Variants in PDCD4 observed in about 807,000 individuals in gnomAD.
PDCD4 encodes the protein programmed cell death 4.
In PDCD4, 56 loss-of-function variants were observed where a neutral mutation model predicts 54.0. That is an observed-to-expected ratio of 1.04 (90% CI 0.84 to 1.30). The LOEUF (loss-of-function observed/expected upper bound fraction) is 1.30, where lower values mean the gene tolerates loss of function less well. Among genes scored for constraint, PDCD4 ranks in the 50% most tolerant of loss-of-function variants. The pLI is 0.00. For synonymous variants in PDCD4, 186 were observed against 194.8 expected, an observed-to-expected ratio of 0.95 and a Z score of 0.37; for missense variants, 584 against 559.8, an observed-to-expected ratio of 1.04 and a Z score of -0.44.
At position 110,898,702 on chromosome 10, in the gene PDCD4, A is replaced by G. The variant is rs1845890610; in HGVS notation, c.*614A>G. The stretch of plus-strand genomic sequence containing the variant: ...AAACTGGAAAAATGAACCTGGTTCT[A>G]GAAGAATGTACACCAAAATAAAACA... On this transcript the variant is annotated 3_prime_UTR_variant, in exon 12 of 12. Coordinates refer to ENST00000280154, the MANE Select transcript of PDCD4 (RefSeq NM_014456.5). 1 of 152,630 alleles carries G rather than the reference A, an allele frequency of 6.6e-6. No homozygotes were observed. Among genetic ancestry groups the G allele is most frequent in the Non-Finnish European group, 1.5e-5 (1 of 68,022 alleles). The allele number at this position is 152,630 out of a possible 1,614,324, so 9.5% of individuals were successfully genotyped here. A position where few individuals can be genotyped will look rare whatever the true frequency, so the allele number is the denominator to read the frequency against.
intron 2 of PDCD4, among the ~76,000 whole-genome samples, chr10:110,880,944 T>C (rs545573687): frequency 1.3e-5 from 2 of 152,338 alleles, no homozygotes; most frequent in Non-Finnish European, 2.9e-5. Context: ...AAACGTGAAA[T>C]AACATGCTTC....
chr10:110,886,110 G>C (rs547519877), intron 5 of PDCD4, among the ~76,000 whole-genome samples: 2 of 152,270 alleles, frequency 1.3e-5, no homozygotes, highest in South Asian at 4.1e-4. Context: ...GGAGGAATTT[G>C]TAATAGGTGA....
intron 4 of PDCD4, among the ~76,000 whole-genome samples, chr10:110,883,716 A>C (rs1267635124): frequency 6.6e-6 from 1 of 152,110 alleles, no homozygotes; most frequent in Non-Finnish European, 1.5e-5. Flanking sequence ...AGCAAATCCC[A>C]AATGTTTTGA....
rs1564683011 is a variant in PDCD4 at position 110,887,645 on chromosome 10, T to A, written c.556-20T>A. 1.3e-6 allele frequency: 2 copies of A among 1,562,852 alleles called. No homozygotes were observed. On this transcript the variant is annotated intron_variant, in intron 5 of 11. Transcript: ENST00000280154. ...TAGTGATACACTTTTAAAATGTTTT[T>A]AAATTATTTTTTTGAACAGGAAATG...
In PDCD4 at chr10:110,883,096, A is replaced by C. The variant is rs1429034519; in HGVS notation, c.440A>C (p.Gln147Pro). ...AAAGATCCTAACTATGATGATGACC[A>C]GGTATCAGTGCTTTGCTTTTTCATA... ...DVKDPNYDDD[Q>P]ENCVYETVVL... is the part of the protein sequence containing the mutation. Residue 147 changes from glutamine (Q) to proline (P), a missense_variant and splice_region_variant, in exon 4 of 12, where the codon CAG (glutamine) becomes CCG (proline). Physicochemically the swap from Gln to Pro is moderately conservative, Grantham distance 76 (BLOSUM62 -1). Transcript: ENST00000280154. The C allele has an allele frequency of 2.6e-6, 4 of 1,558,442 alleles. No individual in the cohort carries two copies. Among genetic ancestry groups the C allele is most frequent in the Non-Finnish European group, 3.5e-6 (4 of 1,145,708 alleles).
In PDCD4 at chr10:110,894,398, G is replaced by A; in HGVS notation, c.1099-14G>A. 1 of 1,344,078 alleles carries A rather than the reference G, an allele frequency of 7.4e-7. No individual in the cohort carries two copies. Among genetic ancestry groups the A allele is most frequent in the Non-Finnish European group, 1.1e-6 (1 of 939,398 alleles). 83.3% of individuals were successfully genotyped at this position (1,344,078 alleles called of 1,614,324 possible). A position where few individuals can be genotyped will look rare whatever the true frequency, so the allele number is the denominator to read the frequency against. On this transcript the variant is annotated splice_polypyrimidine_tract_variant and intron_variant, in intron 9 of 11. Transcript: ENST00000280154. The stretch of plus-strand genomic sequence containing the variant: ...TGAATTAACCAAAAATTCACTCATT[G>A]ATTCAATTTTTAGGCTATTATAATG...
chr10:110,889,069 G>C (rs901856116), intron 6 of PDCD4, among the ~76,000 whole-genome samples: 11 of 151,512 alleles, frequency 7.3e-5, no homozygotes, highest in Admixed American at 1.3e-4. Flanking sequence ...GTCTCTACTA[G>C]AAATACAAAA....
At chr10:110,882,105 T>C (rs1035400595) in intron 3 of PDCD4, among the ~76,000 whole-genome samples, 5 of 152,230 alleles carry the variant, frequency 3.3e-5, no homozygotes, top group Non-Finnish European at 7.3e-5. Context: ...TTTCATCACC[T>C]TCTGAATGGT....
chr10:110,885,051 C>T (rs961583946), intron 4 of PDCD4: 14 of 387,508 alleles, frequency 3.6e-5, no homozygotes, highest in African/African-American at 2.9e-4. Context: ...CCGCCTTTGC[C>T]TCCCAAAGTG....
intron 4 of PDCD4, among the ~76,000 whole-genome samples, chr10:110,883,616 A>G (rs996161805): frequency 6.6e-6 from 1 of 152,132 alleles, no homozygotes. Context: ...AACTTAAATA[A>G]TTACAAACTC....
Position 110,876,761 on chromosome 10 carries a change from A to G in PDCD4, c.43+691A>G, listed in dbSNP as rs374961100. 1.4e-5 allele frequency: 14 copies of G among 1,024,502 alleles called. No homozygotes were observed. In the African/African-American group the frequency reaches 2.1e-4, roughly 16 times the overall value. 63.5% of individuals were successfully genotyped at this position (1,024,502 alleles called of 1,614,324 possible). On this transcript the variant is annotated intron_variant, in intron 2 of 11. Coordinates refer to ENST00000280154, the MANE Select transcript of PDCD4 (RefSeq NM_014456.5). ...TGGAATAGATGACCAAATGTGAGTA[A>G]CTCAAGATAATTTAAAATGTATTTA...
In PDCD4 at chr10:110,876,049, A is replaced by T; in HGVS notation, c.22A>T (p.Ile8Leu). ...GAAAATGGATGTAGAAAATGAGCAG[A>T]TACTGAATGTAAACCCTGCAGGTAA... is the stretch of plus-strand genomic sequence containing the variant. MDVENEQ[I>L]LNVNPADPDN... Residue 8 changes from isoleucine to leucine, a missense_variant, in exon 2 of 12, where the codon ATA (isoleucine) becomes TTA (leucine). Ile to Leu is a conservative substitution (Grantham distance 5, BLOSUM62 2). Transcript: ENST00000280154. 6.2e-7 allele frequency: 1 copy of T among 1,611,072 alleles called. No homozygotes were observed. Among genetic ancestry groups the T allele is most frequent in the South Asian group, 1.1e-5 (1 of 90,828 alleles).
At position 110,881,378 on chromosome 10, in the gene PDCD4, A is replaced by T. The variant is rs778004668; in HGVS notation, c.189A>T (p.Leu63=). 6.2e-7 allele frequency: 1 copy of T among 1,614,198 alleles called. No individual in the cohort carries two copies. The change falls in exon 3 of 12, where the codon CTA becomes CTT. Residue 63 remains leucine, a synonymous_variant. Coordinates refer to ENST00000280154, the MANE Select transcript of PDCD4 (RefSeq NM_014456.5). ...TTAATGCCAAGGCAAAAAGGCGACT[A>T]AGGAAAAACTCATCCCGGGACTCTG... ...ARINAKAKRR[L]RKNSSRDSGR...
In PDCD4 at chr10:110,875,956, A is replaced by G. The variant is rs1398423935; in HGVS notation, c.-62-10A>G. On this transcript the variant is annotated splice_polypyrimidine_tract_variant and intron_variant, in intron 1 of 11. Transcript: ENST00000280154. Reference sequence around the variant, plus strand: ...TCTTGAAGCTTTCTTTTTTTCTTTTAAAAAAACAGATTCTGAAGGAAGATT... The same window carrying G: ...TCTTGAAGCTTTCTTTTTTTCTTTTGAAAAAACAGATTCTGAAGGAAGATT... 3 of 1,262,222 alleles carry G rather than the reference A, an allele frequency of 2.4e-6. No homozygotes were observed. Among genetic ancestry groups the G allele is most frequent in the East Asian group, 5.0e-5 (2 of 40,126 alleles). The allele number at this position is 1,262,222 out of a possible 1,614,324, so 78.2% of individuals were successfully genotyped here.
At chr10:110,887,561 G>A (rs1050160121) in intron 5 of PDCD4, 104 bp from the exon 6 acceptor site, 10 of 681,262 alleles carry the variant, frequency 1.5e-5, no homozygotes, top group East Asian at 2.7e-5. Context: ...AGAGTGAGAC[G>A]TAGAGATATA....
rs1845619254 is a variant in PDCD4 at position 110,883,246 on chromosome 10, C to A, written c.441+149C>A. On this transcript the variant is annotated intron_variant, in intron 4 of 11. Transcript: ENST00000280154. ...TAAACTGACAGTAATACATGCATAA[C>A]TTTCACTTGGTTTCTGTAGTGAGTC... 7.0e-6 allele frequency: 4 copies of A among 570,346 alleles called. No individual in the cohort carries two copies. In the South Asian group the frequency reaches 8.9e-5, roughly 13 times the overall value. The allele number at this position is 570,346 out of a possible 1,614,324, so 35.3% of individuals were successfully genotyped here.
At chr10:110,877,088 T>A (rs1338570961) in intron 2 of PDCD4, among the ~76,000 whole-genome samples, 1 of 152,162 alleles carries the variant, frequency 6.6e-6, no homozygotes, top group African/African-American at 2.4e-5. Flanking sequence ...GGTAAAAAAT[T>A]GAAAAAAATT....
intron 1 of PDCD4, among the ~76,000 whole-genome samples, chr10:110,875,708 A>G (rs1276333050): frequency 6.6e-6 from 1 of 152,134 alleles, no homozygotes; most frequent in African/African-American, 2.4e-5. Context: ...TTTAATTCCA[A>G]TTAAAGGGGT....
intron 2 of PDCD4, among the ~76,000 whole-genome samples, chr10:110,877,288 G>C (rs1263834228): frequency 6.6e-6 from 1 of 152,068 alleles, no homozygotes; most frequent in Non-Finnish European, 1.5e-5. Flanking sequence ...GCTACATGTG[G>C]TTATTACTCC....
Sources: allele counts gnomAD v4.1 joint callset (sites outside exome capture counted in the v4.1 genomes callset), GRCh38; gene constraint gnomAD v4.1.1; transcripts MANE v1.5; gene names NCBI Gene and HGNC (gene_info 2026-07-23, HGNC 2026-07-21).